The following ARPP21 variants were observed in gnomAD, a reference collection of about 807,000 sequenced individuals.
ARPP21 encodes the protein cAMP-regulated phosphoprotein 21.
Under a neutral mutation model 113.2 loss-of-function variants are expected in ARPP21, and 69 were observed. The observed-to-expected ratio is 0.61, with a 90% CI of 0.50 to 0.74. The LOEUF is 0.74. Ranked by LOEUF, ARPP21 falls within the 30% of genes least tolerant of loss-of-function variation. ARPP21 has a pLI of 0.00. For synonymous variants in ARPP21, 368 were observed against 375.5 expected, an observed-to-expected ratio of 0.98 and a Z score of 0.23; for missense variants, 1,070 against 1,037.4, an observed-to-expected ratio of 1.03 and a Z score of -0.43.
Position 35,729,449 on chromosome 3 carries a change from G to C in ARPP21, c.1372G>C (p.Ala458Pro). The change falls in exon 15 of 21, where the codon GCT becomes CCT. Residue 458 changes from alanine to proline, a missense_variant. Coordinates refer to ENST00000684406, the MANE Select transcript of ARPP21 (RefSeq NM_001385562.1). ...AGAGAATGGAATAGGGGGCCAGGTT[G>C]CTCCCAGCAGCACCAGCTACATCCT... ...YPENGIGGQV[A>P]PSSTSYILLP... 6.2e-7 allele frequency: 1 copy of C among 1,614,186 alleles called. No individual in the cohort carries two copies.
intron 14 of ARPP21, among the ~76,000 whole-genome samples, chr3:35,729,019 C>T (rs2093756766): frequency 1.3e-5 from 2 of 152,120 alleles, no homozygotes; most frequent in African/African-American, 4.8e-5. Context: ...TTAGGGTACC[C>T]TTTACCAGTT....
intron 5 of ARPP21, 179 bp downstream of exon 5, chr3:35,683,994 C>T (rs1344549576): frequency 6.9e-7 from 1 of 1,441,882 alleles, no homozygotes; most frequent in African/African-American, 1.4e-5. Flanking sequence ...TGGTTTGTCA[C>T]AGAGTATTAA....
At chr3:35,711,598 T>G (rs2091143868) in intron 11 of ARPP21, among the ~76,000 whole-genome samples, 1 of 152,212 alleles carries the variant, frequency 6.6e-6, no homozygotes, top group South Asian at 2.1e-4. Flanking sequence ...GTAGCTTAAC[T>G]GGGTGATTCT....
At chr3:35,689,458 C>A in intron 7 of ARPP21, 73 bp downstream of exon 7, 1 of 802,634 alleles carries the variant, frequency 1.2e-6, no homozygotes, top group Non-Finnish European at 2.2e-6. Context: ...ATTAATCCAA[C>A]ACTTCTAAGA....
At chr3:35,642,980 T>G (rs910037170) in intron 1 of ARPP21, among the ~76,000 whole-genome samples, 3 of 152,160 alleles carry the variant, frequency 2.0e-5, no homozygotes, top group African/African-American at 7.2e-5. Flanking sequence ...CACTGGTAAC[T>G]TTTGTAATGT....
At chr3:35,687,325 G>C (rs2080912250) in intron 5 of ARPP21, among the ~76,000 whole-genome samples, 1 of 149,046 alleles carries the variant, frequency 6.7e-6, no homozygotes, top group African/African-American at 2.5e-5. Context: ...GTCTGTCTTT[G>C]TGCCAATTTC....
At chr3:35,751,180 G>T (rs2095391991) in intron 19 of ARPP21, among the ~76,000 whole-genome samples, 1 of 152,126 alleles carries the variant, frequency 6.6e-6, no homozygotes, top group South Asian at 2.1e-4. Flanking sequence ...TATAACTGCA[G>T]CAAATCATTT....
Position 35,682,893 on chromosome 3 carries a change from G to C in ARPP21, c.171+4G>C, listed in dbSNP as rs761787406. ...TCAAGAAAGAAGAAAATCCAAGGTA[G>C]GGTTCTTAACATTCTAGGTAGACCT... On this transcript the variant is annotated splice_donor_region_variant and intron_variant, in intron 4 of 20. Coordinates refer to ENST00000684406, the MANE Select transcript of ARPP21 (RefSeq NM_001385562.1). 3 of 1,607,618 alleles carry C rather than the reference G, an allele frequency of 1.9e-6. No individual in the cohort carries two copies. The highest frequency in any genetic ancestry group is 1.7e-6 in the Non-Finnish European group (2 of 1,176,116).
intron 19 of ARPP21, among the ~76,000 whole-genome samples, chr3:35,782,372 T>C (rs1469966902): frequency 6.6e-6 from 1 of 152,162 alleles, no homozygotes. Context: ...ACACTAATCA[T>C]GTTCATAAAA....
intron 15 of ARPP21, among the ~76,000 whole-genome samples, chr3:35,730,095 T>C (rs1398506243): frequency 6.6e-6 from 1 of 152,230 alleles, no homozygotes; most frequent in Non-Finnish European, 1.5e-5. Flanking sequence ...TTATTATGTA[T>C]TTTAGAAATG....
intron 13 of ARPP21, among the ~76,000 whole-genome samples, chr3:35,720,869 G>A (rs1319174147): frequency 1.1e-4 from 16 of 152,088 alleles, no homozygotes; most frequent in Non-Finnish European, 2.1e-4. Context: ...CACCTGAGGA[G>A]CTTTTTTTGT....
At chr3:35,657,065 G>C (rs1412485507) in intron 1 of ARPP21, among the ~76,000 whole-genome samples, 2 of 151,962 alleles carry the variant, frequency 1.3e-5, no homozygotes, top group Non-Finnish European at 2.9e-5. Context: ...GTCCTTAACT[G>C]TGTTACCCCT....
At chr3:35,737,466 A>C (rs895038941) in intron 16 of ARPP21, 104 bp downstream of exon 16, 4 of 691,462 alleles carry the variant, frequency 5.8e-6, no homozygotes, top group Non-Finnish European at 8.9e-6. Flanking sequence ...TTTTACACTC[A>C]AGCCTCACAA....
intron 19 of ARPP21, among the ~76,000 whole-genome samples, chr3:35,771,523 T>A (rs1186915893): frequency 1.3e-5 from 2 of 152,076 alleles, no homozygotes; most frequent in Non-Finnish European, 2.9e-5. Context: ...ATGACGGGGT[T>A]TCACCATGTT....
At chr3:35,668,720 T>C (rs1369691201) in intron 1 of ARPP21, among the ~76,000 whole-genome samples, 1 of 152,168 alleles carries the variant, frequency 6.6e-6, no homozygotes, top group Non-Finnish European at 1.5e-5. Context: ...TGACTAAAAG[T>C]AGTCATTTAT....
intron 19 of ARPP21, chr3:35,785,351 T>C (rs2096607699): frequency 6.6e-6 from 1 of 152,178 alleles, no homozygotes; most frequent in Non-Finnish European, 1.5e-5. Context: ...CACAGCACTA[T>C]GGGCCAGGAA....
At chr3:35,710,524 TGCTC>T (rs1274902498) in intron 11 of ARPP21, among the ~76,000 whole-genome samples, 1 of 128,228 alleles carries the variant, frequency 7.8e-6, no homozygotes, top group Non-Finnish European at 1.7e-5. Flanking sequence ...CTCTCTCTCT[TGCTC>T]TCTCTCTCTC....
chr3:35,752,909 GAATT>G (rs1255169102), intron 19 of ARPP21, among the ~76,000 whole-genome samples: 2 of 151,998 alleles, frequency 1.3e-5, no homozygotes, highest in African/African-American at 4.8e-5. Context: ...CTAGTATTTA[GAATT>G]AATATGCTAA....
At chr3:35,648,808 A>G (rs1284765414) in intron 1 of ARPP21, among the ~76,000 whole-genome samples, 1 of 152,240 alleles carries the variant, frequency 6.6e-6, no homozygotes, top group Non-Finnish European at 1.5e-5. Context: ...ATTATAAAAC[A>G]GATGTCAGCA....
Sources: gnomAD v4.1 joint callset for allele counts (sites outside exome capture counted in the v4.1 genomes callset) on GRCh38, gnomAD v4.1.1 for gene constraint, MANE v1.5 for transcripts, NCBI Gene and HGNC (gene_info 2026-07-23, HGNC 2026-07-21) for gene names.